The following STRBP variants were observed in gnomAD, a reference collection of about 807,000 sequenced individuals.
STRBP encodes the protein spermatid perinuclear RNA binding protein.
In STRBP, 13 loss-of-function variants were observed where a neutral mutation model predicts 80.1. That is an observed-to-expected ratio of 0.16 (90% CI 0.11 to 0.26). The LOEUF is 0.26. Among genes scored for constraint, STRBP ranks in the 10% least tolerant of loss-of-function variants. STRBP has a pLI of 1.00. For missense variants in STRBP, 485 were observed against 815.2 expected (o/e 0.59, Z 4.93); for synonymous variants, 284 against 291.2 (o/e 0.98, Z 0.25).
intron 1 of STRBP, among the ~76,000 whole-genome samples, chr9:123,262,473 C>T (rs1351437855): frequency 6.6e-6 from 1 of 152,000 alleles, no homozygotes. Context: ...AACATCTTAC[C>T]CATGACCCAG....
chr9:123,157,525 T>C (rs2037341424), intron 11 of STRBP, among the ~76,000 whole-genome samples: 1 of 152,160 alleles, frequency 6.6e-6, no homozygotes, highest in African/African-American at 2.4e-5. Context: ...TATTAGTTCA[T>C]TCTCATGCTA....
chr9:123,211,200 AAAGTG>A (rs2039696882), intron 2 of STRBP, among the ~76,000 whole-genome samples: 1 of 152,270 alleles, frequency 6.6e-6, no homozygotes, highest in Admixed American at 6.5e-5. Flanking sequence ...ATTATTCGAC[AAAGTG>A]AATGAACTAC....
At chr9:123,190,253 C>G (rs1274545308) in intron 2 of STRBP, among the ~76,000 whole-genome samples, 1 of 151,078 alleles carries the variant, frequency 6.6e-6, no homozygotes, top group African/African-American at 2.5e-5. Flanking sequence ...GCACTCCACC[C>G]TGGGCAACGG....
chr9:123,160,635 T>C (rs1338349201), intron 7 of STRBP, among the ~76,000 whole-genome samples, 173 bp from the exon 8 acceptor site: 1 of 152,144 alleles, frequency 6.6e-6, no homozygotes, highest in Non-Finnish European at 1.5e-5. Flanking sequence ...ATTTTAAAAA[T>C]AAAAGGACCA....
intron 2 of STRBP, among the ~76,000 whole-genome samples, chr9:123,235,584 C>CA (rs71390421): frequency 0.046 from 1,695 of 36,502 alleles, 301 homozygotes; most frequent in Non-Finnish European, 0.076. Context: ...ACAAGTTCAG[C>CA]AAAAAAAAAA....
intron 2 of STRBP, among the ~76,000 whole-genome samples, chr9:123,210,625 A>T (rs2039675003): frequency 1.3e-5 from 2 of 152,166 alleles, no homozygotes. Flanking sequence ...TCAGGAGTTC[A>T]AGACCAGCCT....
intron 1 of STRBP, among the ~76,000 whole-genome samples, chr9:123,254,861 A>C (rs1023293550): frequency 1.3e-5 from 2 of 152,208 alleles, no homozygotes; most frequent in Admixed American, 6.5e-5. Context: ...ATATTATCTA[A>C]GGGCAAAGAA....
At chr9:123,199,885 C>T (rs1564291529) in intron 2 of STRBP, among the ~76,000 whole-genome samples, 1 of 152,274 alleles carries the variant, frequency 6.6e-6, no homozygotes, top group East Asian at 1.9e-4. Context: ...ACTGATCTGG[C>T]TAGTACTTCC....
At chr9:123,220,337 A>AG (rs2040028421) in intron 2 of STRBP, among the ~76,000 whole-genome samples, 1 of 152,224 alleles carries the variant, frequency 6.6e-6, no homozygotes, top group Admixed American at 6.5e-5. Flanking sequence ...AGGTTATTAT[A>AG]GCCTATTGCT....
At chr9:123,186,857 G>A (rs1440719902) in intron 2 of STRBP, among the ~76,000 whole-genome samples, 2 of 148,708 alleles carry the variant, frequency 1.3e-5, no homozygotes, top group Non-Finnish European at 1.5e-5. Context: ...CAACCTAGTG[G>A]ATAAAATTCT....
chr9:123,114,408 T>C (rs1247016262), intron 3 of STRBP: 1 of 167,048 alleles, frequency 6.0e-6, no homozygotes, highest in Non-Finnish European at 1.5e-5. Context: ...TCCAACAAGC[T>C]CCAACCCTTG....
chr9:123,234,200 CAAAAAAA>C (rs59309974), intron 2 of STRBP, among the ~76,000 whole-genome samples: 2,959 of 72,304 alleles, frequency 0.041, 110 homozygotes, highest in African/African-American at 0.13. Flanking sequence ...GACGCCGTGT[CAAAAAAA>C]AAAAAAAAAA....
chr9:123,114,089 A>G (rs1228491591), intron 3 of STRBP: 1 of 167,112 alleles, frequency 6.0e-6, no homozygotes, highest in Non-Finnish European at 1.5e-5. Flanking sequence ...GGCTGCTTGC[A>G]GCTAAGAGAC....
At chr9:123,178,981 C>G (rs200928449) in intron 4 of STRBP, 26 bp downstream of exon 4, 1 of 1,601,872 alleles carries the variant, frequency 6.2e-7, no homozygotes. Flanking sequence ...TCTAGCACAG[C>G]GTCCCAGAGG....
At chr9:123,153,881 C>T (rs2037166817) in intron 11 of STRBP, among the ~76,000 whole-genome samples, 1 of 152,072 alleles carries the variant, frequency 6.6e-6, no homozygotes, top group African/African-American at 2.4e-5. Flanking sequence ...GAGGACTGAA[C>T]CCTAGGACAC....
At chr9:123,183,877 T>C (rs2038593049) in intron 3 of STRBP, among the ~76,000 whole-genome samples, 1 of 152,226 alleles carries the variant, frequency 6.6e-6, no homozygotes, top group African/African-American at 2.4e-5. Flanking sequence ...TTAGAAAATA[T>C]TATTTATGAG....
chr9:123,262,252 G>A (rs1341777793), intron 1 of STRBP, among the ~76,000 whole-genome samples: 1 of 152,202 alleles, frequency 6.6e-6, no homozygotes, highest in Non-Finnish European at 1.5e-5. Flanking sequence ...CTGGCAAAAC[G>A]GGCTTAATAA....
intron 2 of STRBP, among the ~76,000 whole-genome samples, chr9:123,232,324 C>G (rs2040421616): frequency 6.6e-6 from 1 of 151,892 alleles, no homozygotes; most frequent in Non-Finnish European, 1.5e-5. Flanking sequence ...AAAAAAGAAA[C>G]AAAAAAACCT....
intron 18 of STRBP, among the ~76,000 whole-genome samples, chr9:123,127,004 T>C (rs1258757055): frequency 4.6e-5 from 7 of 152,198 alleles, no homozygotes; most frequent in Admixed American, 3.3e-4. Context: ...GTTCAAAATA[T>C]GGGGAAGCCT....
Sources: allele counts gnomAD v4.1 joint callset (sites outside exome capture counted in the v4.1 genomes callset), GRCh38; gene constraint gnomAD v4.1.1; transcripts MANE v1.5; gene names NCBI Gene and HGNC (gene_info 2026-07-23, HGNC 2026-07-21).